Variants in ZCWPW2 observed in about 807,000 individuals in gnomAD.
ZCWPW2 encodes the protein zinc finger CW-type PWWP domain protein 2.
Under a neutral mutation model 46.6 loss-of-function variants are expected in ZCWPW2, and 45 were observed. That is an observed-to-expected ratio of 0.96 (90% CI 0.76 to 1.24). The LOEUF (loss-of-function observed/expected upper bound fraction) is 1.24. Among genes scored for constraint, ZCWPW2 ranks in the 50% most tolerant of loss-of-function variants. The probability of loss-of-function intolerance (pLI) is 0.00; values close to 1 mark genes in which losing one functional copy is unlikely to be tolerated. For synonymous variants in ZCWPW2, 152 were observed against 137.1 expected, an observed-to-expected ratio of 1.11 and a Z score of -0.76; for missense variants, 429 against 403.9, an observed-to-expected ratio of 1.06 and a Z score of -0.53.
chr3:28,499,806 T>A (rs1459200954), intron 6 of ZCWPW2, among the ~76,000 whole-genome samples: 1 of 152,092 alleles, frequency 6.6e-6, no homozygotes, highest in African/African-American at 2.4e-5. Flanking sequence ...TTCTTAGGCT[T>A]ATATTTTTTC....
chr3:28,357,825 A>G (rs1704800023), intron 1 of ZCWPW2, among the ~76,000 whole-genome samples: 1 of 147,236 alleles, frequency 6.8e-6, no homozygotes, highest in Non-Finnish European at 1.5e-5. Flanking sequence ...ATATATCTCC[A>G]TACATATATA....
At chr3:28,369,926 G>A (rs902765051) in intron 1 of ZCWPW2, among the ~76,000 whole-genome samples, 4 of 152,198 alleles carry the variant, frequency 2.6e-5, no homozygotes, top group African/African-American at 4.8e-5. Flanking sequence ...AGCAATGAGC[G>A]AGGCTCCGTG....
Position 28,472,877 on chromosome 3 carries a change from GA to G in ZCWPW2, c.493-5927del, listed in dbSNP as rs139268181. ...ATAAGAAGCTCAAACAGTTCTATAG[GA>G]AAAAAAAAACAAACTAATAATCTAA... On this transcript the variant is annotated intron_variant, in intron 4 of 9. Transcript: ENST00000383768. Among the ~76,000 whole-genome samples, 1,261 of 144,612 alleles carry G rather than the reference GA, an allele frequency of 8.7e-3. 16 individuals carry two copies. The highest frequency in any genetic ancestry group is 0.029 in the African/African-American group (1,130 of 39,560). 94.9% of individuals were successfully genotyped at this position (144,612 alleles called of 152,430 possible). A position where few individuals can be genotyped will look rare whatever the true frequency, so the allele number is the denominator to read the frequency against.
At chr3:28,351,237 C>T (rs1219532281) in intron 1 of ZCWPW2, among the ~76,000 whole-genome samples, 1 of 149,282 alleles carries the variant, frequency 6.7e-6, no homozygotes, top group Non-Finnish European at 1.5e-5. Context: ...CATGTTGTCG[C>T]TCATTATATA....
At chr3:28,405,355 A>G (rs1441787943) in intron 2 of ZCWPW2, among the ~76,000 whole-genome samples, 1 of 152,184 alleles carries the variant, frequency 6.6e-6, no homozygotes, top group Non-Finnish European at 1.5e-5. Flanking sequence ...GGTACTGAGA[A>G]GTGGAGGTGC....
At chr3:28,399,440 T>C (rs185264873) in intron 2 of ZCWPW2, among the ~76,000 whole-genome samples, 1 of 152,196 alleles carries the variant, frequency 6.6e-6, no homozygotes, top group East Asian at 1.9e-4. Flanking sequence ...CAGCTGATGC[T>C]CTCTGGGAAG....
At chr3:28,480,382 T>C (rs1699385868) in intron 5 of ZCWPW2, among the ~76,000 whole-genome samples, 1 of 152,204 alleles carries the variant, frequency 6.6e-6, no homozygotes, top group Non-Finnish European at 1.5e-5. Context: ...AAATTGTCTG[T>C]TTGTGTCCTT....
chr3:28,420,260 T>C (rs985967257), intron 3 of ZCWPW2, among the ~76,000 whole-genome samples: 8 of 152,144 alleles, frequency 5.3e-5, no homozygotes, highest in Non-Finnish European at 1.2e-4. Context: ...TTTCCTGCTT[T>C]CTCTTGTGGG....
At chr3:28,384,921 A>G (rs1404375853) in intron 1 of ZCWPW2, among the ~76,000 whole-genome samples, 2 of 152,116 alleles carry the variant, frequency 1.3e-5, no homozygotes, top group African/African-American at 4.8e-5. Context: ...CGGCCAGCCA[A>G]TCTTTCTTTT....
intron 1 of ZCWPW2, among the ~76,000 whole-genome samples, chr3:28,368,689 A>T (rs991672816): frequency 5.3e-4 from 81 of 152,082 alleles, no homozygotes; most frequent in Non-Finnish European, 1.0e-3. Context: ...ATATTTCCTG[A>T]ATTTGAATGT....
chr3:28,466,935 A>G (rs752756172), intron 4 of ZCWPW2, among the ~76,000 whole-genome samples: 40 of 152,334 alleles, frequency 2.6e-4, no homozygotes, highest in Admixed American at 1.1e-3. Context: ...ATTAAAAAAA[A>G]CAATTGAGAC....
intron 2 of ZCWPW2, among the ~76,000 whole-genome samples, chr3:28,405,765 C>T (rs1696132350): frequency 6.6e-6 from 1 of 152,120 alleles, no homozygotes; most frequent in African/African-American, 2.4e-5. Context: ...TGAGTCACCC[C>T]ACCCGGCCAA....
chr3:28,467,416 T>A (rs1401385210), intron 4 of ZCWPW2, among the ~76,000 whole-genome samples: 1 of 150,924 alleles, frequency 6.6e-6, no homozygotes, highest in Non-Finnish European at 1.5e-5. Flanking sequence ...GAATCATCAT[T>A]CCATATAAAA....
At chr3:28,437,711 A>C (rs1424622560) in intron 4 of ZCWPW2, among the ~76,000 whole-genome samples, 1 of 152,228 alleles carries the variant, frequency 6.6e-6, no homozygotes, top group Non-Finnish European at 1.5e-5. Flanking sequence ...CAATATTTTT[A>C]TTATAGATTT....
chr3:28,482,887 TATTTTAG>T (rs1699478792), intron 5 of ZCWPW2, among the ~76,000 whole-genome samples: 1 of 152,234 alleles, frequency 6.6e-6, no homozygotes, highest in South Asian at 2.1e-4. Context: ...GTTCTTTGTA[TATTTTAG>T]ATGTCGCTCT....
At chr3:28,411,857 T>C (rs570897755) in intron 2 of ZCWPW2, among the ~76,000 whole-genome samples, 1 of 152,250 alleles carries the variant, frequency 6.6e-6, no homozygotes, top group East Asian at 1.9e-4. Context: ...ACTTTTTCAC[T>C]CTTTCAACAT....
At chr3:28,413,741 T>A (rs985691772) in intron 3 of ZCWPW2, among the ~76,000 whole-genome samples, 1 of 152,014 alleles carries the variant, frequency 6.6e-6, no homozygotes, top group Non-Finnish European at 1.5e-5. Context: ...TTGAAATCCG[T>A]TTTTTAGAAG....
At chr3:28,490,823 A>G (rs749278229) in intron 5 of ZCWPW2, among the ~76,000 whole-genome samples, 3 of 152,086 alleles carry the variant, frequency 2.0e-5, no homozygotes, top group Admixed American at 1.3e-4. Flanking sequence ...GAGCATATAC[A>G]TTGTTTTATA....
chr3:28,488,803 G>A (rs1699697166), intron 5 of ZCWPW2, among the ~76,000 whole-genome samples: 1 of 152,116 alleles, frequency 6.6e-6, no homozygotes, highest in African/African-American at 2.4e-5. Flanking sequence ...TCTTTATGAT[G>A]AGAGTCCCTA....
Sources: allele counts gnomAD v4.1 joint callset (sites outside exome capture counted in the v4.1 genomes callset), GRCh38; gene constraint gnomAD v4.1.1; transcripts MANE v1.5; gene names NCBI Gene and HGNC (gene_info 2026-07-23, HGNC 2026-07-21).